Variants in FGF13 observed in about 807,000 individuals in gnomAD.
FGF13 encodes fibroblast growth factor 13, also known as fibroblast growth factor homologous factor 2.
In FGF13, 2 loss-of-function variants were observed where a neutral mutation model predicts 19.5. The ratio of observed to expected loss-of-function variants is 0.10; its 90% CI spans 0.04 to 0.32. FGF13 has a LOEUF of 0.32. Among genes scored for constraint, FGF13 ranks in the 10% least tolerant of loss-of-function variants. The probability of loss-of-function intolerance (pLI) is 1.00; values close to 1 mark genes in which losing one functional copy is unlikely to be tolerated. For missense variants in FGF13, 113 were observed against 192.7 expected, an observed-to-expected ratio of 0.59 and a Z score of 2.45; for synonymous variants, 72 against 76.9, an observed-to-expected ratio of 0.94 and a Z score of 0.33.
At position 139,012,346 on chromosome X, in the gene FGF13, T is replaced by A. The variant is rs766187413; in HGVS notation, c.-112-147696A>T. 1.4e-4 allele frequency among the ~76,000 whole-genome samples: 15 copies of A among 110,121 alleles called. No individual in the cohort carries two copies. The Admixed American group carries it at 1.5e-3, about 11-fold the overall frequency. ...CTTCACAGAACTAGAAAATAAACAA[T>A]CCTAAAATTCAGATGGGACCAAAAA... is the stretch of plus-strand genomic sequence containing the variant. On this transcript the variant is annotated intron_variant, in intron 1 of 2. Coordinates refer to the FGF13 transcript ENST00000421460.
chrX:139,204,168 G>C (rs2084444056), upstream of FGF13: 1 of 1,081,416 alleles, frequency 9.2e-7, no homozygotes, highest in Non-Finnish European at 1.3e-6. Context: ...GAGCGGGTCG[G>C]ACTTGGGAGA....
intron 1 of FGF13, among the ~76,000 whole-genome samples, chrX:139,136,729 T>A (rs1385162265): frequency 8.9e-6 from 1 of 111,772 alleles, no homozygotes; most frequent in East Asian, 2.8e-4. Flanking sequence ...TGTCATCTAC[T>A]AGGGAAGCTC....
intron 1 of FGF13, among the ~76,000 whole-genome samples, chrX:139,168,040 A>C (rs1003961587): frequency 2.7e-5 from 3 of 112,293 alleles, no homozygotes; most frequent in Non-Finnish European, 5.6e-5. Context: ...TTCACACTCA[A>C]ATGGATAAAT....
At chrX:138,823,818 T>C (rs2091015325) in intron 3 of FGF13, among the ~76,000 whole-genome samples, 1 of 112,038 alleles carries the variant, frequency 8.9e-6, no homozygotes, top group Admixed American at 9.5e-5. Context: ...AAAAGAACCA[T>C]ACCATGCCCA....
At chrX:139,126,567 C>A (rs2083717958) in intron 1 of FGF13, among the ~76,000 whole-genome samples, 1 of 111,601 alleles carries the variant, frequency 9.0e-6, no homozygotes, top group African/African-American at 3.3e-5. Context: ...AATCCTGCTT[C>A]AATGAACAGG....
chrX:139,036,990 C>T (rs762276454), intron 1 of FGF13, among the ~76,000 whole-genome samples: 12 of 110,910 alleles, frequency 1.1e-4, no homozygotes, highest in South Asian at 3.9e-4. Flanking sequence ...CCATATCACA[C>T]GGGTTTCAGT....
At position 139,185,752 on chromosome X, in the gene FGF13, AAAAGCT is replaced by A. The variant is rs779359910; in HGVS notation, c.-113+17658_-113+17663del. On this transcript the variant is annotated intron_variant, in intron 1 of 2. Transcript: ENST00000421460. ...TTATAAACACTAAATGATTATGCTT[AAAAGCT>A]ATTATCTTGTTAATAATATCACCCC... 1.4e-3 allele frequency among the ~76,000 whole-genome samples: 156 copies of A among 112,310 alleles called. 1 individual carries two copies. The highest frequency in any genetic ancestry group is 2.5e-3 in the Non-Finnish European group (134 of 53,308).
chrX:138,670,326 C>T (rs768014060), intron 3 of FGF13, among the ~76,000 whole-genome samples: 1 of 111,507 alleles, frequency 9.0e-6, no homozygotes, highest in African/African-American at 3.2e-5. Flanking sequence ...AAAATAATGA[C>T]ACTGAGAAAG....
At chrX:138,726,079 C>T (rs960782131) in intron 1 of FGF13, among the ~76,000 whole-genome samples, 1 of 111,121 alleles carries the variant, frequency 9.0e-6, no homozygotes, top group Non-Finnish European at 1.9e-5. Flanking sequence ...ACTTCCACAC[C>T]GATAAAATGA....
intron 3 of FGF13, among the ~76,000 whole-genome samples, chrX:138,796,677 C>A (rs983208306): frequency 1.2e-4 from 13 of 111,806 alleles, no homozygotes; most frequent in African/African-American, 3.3e-4. Flanking sequence ...AACTAATTTA[C>A]ACTCCCACCA....
chrX:138,858,443 G>A (rs1008217373), intron 2 of FGF13, among the ~76,000 whole-genome samples: 1 of 111,627 alleles, frequency 9.0e-6, no homozygotes, highest in Non-Finnish European at 1.9e-5. Flanking sequence ...TTTATTCCCT[G>A]CAAAAGCAAG....
chrX:138,758,087 T>C (rs997878493), intron 3 of FGF13, among the ~76,000 whole-genome samples: 1 of 111,572 alleles, frequency 9.0e-6, no homozygotes, highest in African/African-American at 3.3e-5. Context: ...AAGGAAGCTG[T>C]GTCTGCTCCT....
intron 3 of FGF13, among the ~76,000 whole-genome samples, chrX:138,685,922 A>C (rs2089777363): frequency 9.1e-6 from 1 of 109,386 alleles, no homozygotes; most frequent in South Asian, 4.0e-4. Context: ...CTGAAACAGC[A>C]CTTTTCTCAA....
intron 1 of FGF13, among the ~76,000 whole-genome samples, chrX:139,048,099 T>C (rs1168982836): frequency 1.8e-5 from 2 of 111,630 alleles, no homozygotes; most frequent in East Asian, 5.6e-4. Context: ...ATACATATTT[T>C]TATACCGTTT....
rs750366582 is a variant in FGF13, at chrX:139,169,227, T to C, written c.-113+34189A>G. Among the ~76,000 whole-genome samples, 8 of 112,183 alleles carry C rather than the reference T, an allele frequency of 7.1e-5. No homozygotes were observed. In the East Asian group the frequency reaches 1.4e-3, roughly 20 times the overall value. On this transcript the variant is annotated intron_variant, in intron 1 of 2. Coordinates refer to the FGF13 transcript ENST00000421460. Reference sequence around the variant, plus strand: ...CCAACCCCAACTCCCCATTTATCTCTTGCTCTTCACCACCTCTTCATGCTA... The same window carrying C: ...CCAACCCCAACTCCCCATTTATCTCCTGCTCTTCACCACCTCTTCATGCTA...
intron 3 of FGF13, among the ~76,000 whole-genome samples, chrX:138,776,066 C>G (rs767401343): frequency 1.8e-5 from 2 of 112,188 alleles, no homozygotes; most frequent in Non-Finnish European, 3.8e-5. Context: ...GGGCACTTGC[C>G]TAAAGCTTCC....
At chrX:138,778,655 C>G (rs745844636) in intron 3 of FGF13, among the ~76,000 whole-genome samples, 27 of 112,153 alleles carry the variant, frequency 2.4e-4, no homozygotes, top group Non-Finnish European at 4.3e-4. Flanking sequence ...GCACCTGGCT[C>G]GGAGGGTGCT....
chrX:138,925,828 T>C (rs1417734594), intron 1 of FGF13, among the ~76,000 whole-genome samples: 2 of 111,622 alleles, frequency 1.8e-5, no homozygotes, highest in Admixed American at 1.9e-4. Flanking sequence ...TTGTGGGACA[T>C]GTCCTACAAT....
chrX:138,796,491 T>A (rs932941585), intron 3 of FGF13, among the ~76,000 whole-genome samples: 1 of 112,058 alleles, frequency 8.9e-6, no homozygotes, highest in South Asian at 3.7e-4. Flanking sequence ...TTTGGGTTGG[T>A]TCCAAGTCTT....
Sources: gnomAD v4.1 joint callset for allele counts (sites outside exome capture counted in the v4.1 genomes callset) on GRCh38, gnomAD v4.1.1 for gene constraint, MANE v1.5 for transcripts, NCBI Gene and HGNC (gene_info 2026-07-23, HGNC 2026-07-21) for gene names.